SLC4A8: variants seen among roughly 807,000 people sequenced by gnomAD.
The protein encoded by SLC4A8 is electroneutral sodium bicarbonate exchanger 1.
In SLC4A8, 40 loss-of-function variants were observed where a neutral mutation model predicts 125.0. The ratio of observed to expected loss-of-function variants is 0.32; its 90% CI spans 0.25 to 0.42. SLC4A8 has a LOEUF of 0.42. SLC4A8 is among the 10% of genes least tolerant of loss of function. SLC4A8 has a pLI of 1.00. For missense variants in SLC4A8, 863 were observed against 1,355.1 expected (o/e 0.64, Z 5.70); for synonymous variants, 456 against 476.0 (o/e 0.96, Z 0.55).
At chr12:51,438,970 C>T (rs1419666183) in intron 1 of SLC4A8, among the ~76,000 whole-genome samples, 3 of 152,096 alleles carry the variant, frequency 2.0e-5, no homozygotes, top group Non-Finnish European at 2.9e-5. Flanking sequence ...TTATAGAGCA[C>T]TGTTATGTGA....
At chr12:51,506,730 G>A (rs767422424) in intron 24 of SLC4A8, among the ~76,000 whole-genome samples, 89 of 152,288 alleles carry the variant, frequency 5.8e-4, no homozygotes, top group Non-Finnish European at 9.9e-4. Context: ...CACTGCACCC[G>A]GCCGTAACTG....
chr12:51,457,954 C>CA (rs549855474), intron 6 of SLC4A8, among the ~76,000 whole-genome samples: 4 of 152,178 alleles, frequency 2.6e-5, no homozygotes, highest in Non-Finnish European at 5.9e-5. Context: ...CTTTACCACT[C>CA]ACAAAATGTA....
At chr12:51,422,355 CA>C (rs1948808464), upstream of SLC4A8, among the ~76,000 whole-genome samples, 2 of 152,166 alleles carry the variant, frequency 1.3e-5, no homozygotes, top group Middle Eastern at 3.4e-3. Context: ...AATTTGATCA[CA>C]GCCTTTTATT....
At chr12:51,440,454 C>T (rs1949558804) in intron 1 of SLC4A8, among the ~76,000 whole-genome samples, 1 of 151,520 alleles carries the variant, frequency 6.6e-6, no homozygotes, top group Admixed American at 6.6e-5. Flanking sequence ...CCTAGCTCCG[C>T]CTTTTATGAC....
chr12:51,424,699 C>G (rs1280026885), upstream of SLC4A8: 12 of 438,016 alleles, frequency 2.7e-5, no homozygotes, highest in Non-Finnish European at 4.0e-5. Flanking sequence ...CAACCGGGCC[C>G]GGGAGCGGTT....
intron 13 of SLC4A8, among the ~76,000 whole-genome samples, chr12:51,470,886 T>G (rs531671274): frequency 1.3e-5 from 2 of 152,104 alleles, no homozygotes; most frequent in East Asian, 3.9e-4. Flanking sequence ...TTTGTTTTTT[T>G]GCTATTGATA....
chr12:51,477,703 C>A (rs1361132862), intron 16 of SLC4A8, among the ~76,000 whole-genome samples: 5 of 152,226 alleles, frequency 3.3e-5, no homozygotes, highest in Non-Finnish European at 7.3e-5. Context: ...TCTCTGAGCT[C>A]TTTGCCTGAC....
At chr12:51,457,596 G>A (rs1353911648) in intron 6 of SLC4A8, 57 bp downstream of exon 6, 1 of 1,503,330 alleles carries the variant, frequency 6.7e-7, no homozygotes, top group East Asian at 2.3e-5. Context: ...GAACTAGTTG[G>A]AGATGCTGAC....
At chr12:51,460,975 A>C (rs1324719135) in intron 8 of SLC4A8, among the ~76,000 whole-genome samples, 1 of 152,206 alleles carries the variant, frequency 6.6e-6, no homozygotes, top group Non-Finnish European at 1.5e-5. Context: ...AAGAAATGTA[A>C]TCACATTATT....
At chr12:51,448,670 G>A (rs928722560) in intron 2 of SLC4A8, among the ~76,000 whole-genome samples, 2 of 152,130 alleles carry the variant, frequency 1.3e-5, no homozygotes. Context: ...GCACCCAAGT[G>A]GTTTGGATAC....
At chr12:51,449,845 G>A (rs539728071) in intron 2 of SLC4A8, among the ~76,000 whole-genome samples, 1 of 152,232 alleles carries the variant, frequency 6.6e-6, no homozygotes, top group East Asian at 1.9e-4. Context: ...CTTGGGCAAC[G>A]TGGCGAGACC....
At chr12:51,459,381 A>AC (rs556578593) in intron 7 of SLC4A8, among the ~76,000 whole-genome samples, 139 of 152,284 alleles carry the variant, frequency 9.1e-4, no homozygotes, top group Non-Finnish European at 1.7e-3. Context: ...TAAAATCCGA[A>AC]CCTATACCTT....
chr12:51,434,262 A>G (rs1312202446), intron 1 of SLC4A8, among the ~76,000 whole-genome samples: 1 of 152,174 alleles, frequency 6.6e-6, no homozygotes, highest in East Asian at 1.9e-4. Context: ...GTAGCCCTAA[A>G]GATTAAAGAC....
chr12:51,457,930 G>C (rs1013414680), intron 6 of SLC4A8, among the ~76,000 whole-genome samples: 5 of 152,180 alleles, frequency 3.3e-5, no homozygotes, highest in Non-Finnish European at 7.3e-5. Flanking sequence ...AGACTTGTAG[G>C]CTTGTGATTG....
rs1366883089 is a variant in SLC4A8, at chr12:51,511,888, G to A, written c.*4450G>A. ...AAACACCAAGCTGTGGGTAATTGAT[G>A]TGCGTGTCACTGATTCCTGCAACAG... is the stretch of plus-strand genomic sequence containing the variant. On this transcript the variant is annotated 3_prime_UTR_variant, in exon 25 of 25. Coordinates refer to ENST00000453097, the MANE Select transcript of SLC4A8 (RefSeq NM_001039960.3). 6.6e-6 allele frequency: 1 copy of A among 152,218 alleles called. No individual in the cohort carries two copies. The highest frequency in any genetic ancestry group is 1.5e-5 in the Non-Finnish European group (1 of 68,042). 9.4% of individuals were successfully genotyped at this position (152,218 alleles called of 1,614,324 possible). A position where few individuals can be genotyped will look rare whatever the true frequency, so the allele number is the denominator to read the frequency against.
intron 1 of SLC4A8, among the ~76,000 whole-genome samples, chr12:51,436,171 A>C (rs547519821): frequency 1.3e-5 from 2 of 152,212 alleles, no homozygotes; most frequent in African/African-American, 4.8e-5. Context: ...CCTCAGCCGC[A>C]CTGGGAGTGA....
intron 22 of SLC4A8, 112 bp downstream of exon 22, chr12:51,497,236 G>A: frequency 1.8e-6 from 2 of 1,110,130 alleles, no homozygotes; most frequent in South Asian, 1.6e-5. Flanking sequence ...TTTAGGAGCT[G>A]GGAAGATTAC....
intron 16 of SLC4A8, among the ~76,000 whole-genome samples, chr12:51,484,126 C>G (rs529972936): frequency 1.3e-5 from 2 of 151,938 alleles, no homozygotes; most frequent in Non-Finnish European, 2.9e-5. Flanking sequence ...TGGGAGGACT[C>G]AGTTAATTAG....
chr12:51,499,624 TACACACACACACACAC>T (rs143239328), intron 22 of SLC4A8, among the ~76,000 whole-genome samples: 3 of 143,238 alleles, frequency 2.1e-5, no homozygotes, highest in South Asian at 2.3e-4. Context: ...GCTATAATTC[TACACACACACACACAC>T]ACACACACAC....
Sources: gnomAD v4.1 joint callset for allele counts (sites outside exome capture counted in the v4.1 genomes callset) on GRCh38, gnomAD v4.1.1 for gene constraint, MANE v1.5 for transcripts, NCBI Gene and HGNC (gene_info 2026-07-23, HGNC 2026-07-21) for gene names.